The following PDXDC1 variants were observed in gnomAD, a reference collection of about 807,000 sequenced individuals.
PDXDC1 encodes the protein pyridoxal-dependent decarboxylase domain-containing protein 1.
Under a neutral mutation model 100.1 loss-of-function variants are expected in PDXDC1, and 42 were observed. The observed-to-expected ratio is 0.42, with a 90% CI of 0.33 to 0.54. The LOEUF (loss-of-function observed/expected upper bound fraction) is 0.54, where lower values mean the gene tolerates loss of function less well. Among genes scored for constraint, PDXDC1 ranks in the 20% least tolerant of loss-of-function variants. PDXDC1 has a pLI of 0.10. For missense variants in PDXDC1, 636 were observed against 979.2 expected, an observed-to-expected ratio of 0.65 and a Z score of 4.68; for synonymous variants, 260 against 371.7, an observed-to-expected ratio of 0.70 and a Z score of 3.46.
intron 3 of PDXDC1, among the ~76,000 whole-genome samples, chr16:15,000,889 ATATAT>A (rs1437661646): frequency 2.0e-5 from 3 of 149,678 alleles, no homozygotes; most frequent in African/African-American, 7.3e-5. Flanking sequence ...AAGGATGATT[ATATAT>A]TATATTTTAT....
intron 16 of PDXDC1, chr16:15,125,670 G>A: frequency 7.5e-7 from 1 of 1,327,742 alleles, no homozygotes; most frequent in South Asian, 1.2e-5. Context: ...CCCAGCCCAG[G>A]ACCCCCAGTA....
chr16:15,077,667 C>T (rs2045520613), intron 16 of PDXDC1, among the ~76,000 whole-genome samples: 1 of 152,146 alleles, frequency 6.6e-6, no homozygotes, highest in Non-Finnish European at 1.5e-5. Context: ...CGGTGAAACC[C>T]CATCTCTACT....
chr16:15,018,105 T>TA (rs1288750563), intron 11 of PDXDC1, among the ~76,000 whole-genome samples: 4 of 150,594 alleles, frequency 2.7e-5, no homozygotes, highest in African/African-American at 9.7e-5. Context: ...TTTTTTTTTT[T>TA]AATCGTAGTT....
At chr16:15,145,553 G>A in the PDXDC1 span, among the ~76,000 whole-genome samples, 1 of 152,254 alleles carries the variant, frequency 6.6e-6, no homozygotes, top group Admixed American at 6.5e-5. Flanking sequence ...CTAAGGTCAG[G>A]AACGCCAGGC....
chr16:15,144,757 G>A, the PDXDC1 span, among the ~76,000 whole-genome samples: 1 of 152,208 alleles, frequency 6.6e-6, no homozygotes, highest in Non-Finnish European at 1.5e-5. Flanking sequence ...GCTGAACGAG[G>A]GAGATGAGAA....
intron 16 of PDXDC1, among the ~76,000 whole-genome samples, chr16:15,116,487 A>G (rs2047240703): frequency 7.4e-6 from 1 of 135,572 alleles, no homozygotes; most frequent in African/African-American, 2.6e-5. Context: ...CTCAAAAAAA[A>G]AAAAAAAAAA....
At chr16:15,128,487 G>T in intron 16 of PDXDC1, 1 of 719,656 alleles carries the variant, frequency 1.4e-6, no homozygotes, top group Non-Finnish European at 2.4e-6. Flanking sequence ...GCGCACTCAA[G>T]GAGCCACACA....
At chr16:15,102,571 C>T (rs1410302053) in intron 16 of PDXDC1, among the ~76,000 whole-genome samples, 1 of 151,148 alleles carries the variant, frequency 6.6e-6, no homozygotes, top group Non-Finnish European at 1.5e-5. Flanking sequence ...AGGCAGGGAC[C>T]AAGCTTGGGC....
rs551077348 is a variant in PDXDC1, at chr16:15,052,826, C to CA, written c.1399+22780dup. 3.6e-3 allele frequency among the ~76,000 whole-genome samples: 529 copies of CA among 146,108 alleles called. 3 individuals are homozygous for CA. The highest frequency in any genetic ancestry group is 5.0e-3 in the South Asian group (23 of 4,616). On this transcript the variant is annotated intron_variant, in intron 16 of 16. Coordinates refer to the PDXDC1 transcript ENST00000535621. ...GGTGACAGAGCAAGGCTCTGTCTCT[C>CA]AAAAAAAAAATAAATAAATAAATAA...
At chr16:14,980,324 C>G (rs1967668485) in intron 1 of PDXDC1, among the ~76,000 whole-genome samples, 1 of 152,316 alleles carries the variant, frequency 6.6e-6, no homozygotes, top group African/African-American at 2.4e-5. Context: ...GAGACGGAAT[C>G]TTGCTCTGTC....
chr16:15,007,566 G>A (rs1427416934), intron 6 of PDXDC1, among the ~76,000 whole-genome samples: 12 of 152,282 alleles, frequency 7.9e-5, no homozygotes, highest in Non-Finnish European at 1.6e-4. Flanking sequence ...TGCCAAGAAC[G>A]TTTGAAAGCA....
intron 4 of PDXDC1, among the ~76,000 whole-genome samples, chr16:15,003,425 C>T (rs1260371065): frequency 1.3e-5 from 2 of 152,124 alleles, no homozygotes; most frequent in Non-Finnish European, 2.9e-5. Context: ...ACCATGTTAG[C>T]CAGGATGGTC....
At chr16:14,984,711 G>A (rs1037978493) in intron 1 of PDXDC1, among the ~76,000 whole-genome samples, 1 of 152,016 alleles carries the variant, frequency 6.6e-6, no homozygotes, top group Non-Finnish European at 1.5e-5. Context: ...TGGACAGGCT[G>A]GTCTCAAACT....
intron 16 of PDXDC1, among the ~76,000 whole-genome samples, chr16:15,089,657 G>T (rs1598005724): frequency 6.6e-6 from 1 of 151,414 alleles, no homozygotes; most frequent in South Asian, 2.1e-4. Context: ...AAAATTAGCT[G>T]GCGGTGGTGG....
At chr16:15,146,329 G>A in the PDXDC1 span, among the ~76,000 whole-genome samples, 4 of 152,138 alleles carry the variant, frequency 2.6e-5, no homozygotes, top group South Asian at 2.1e-4. Flanking sequence ...AGCGCACACC[G>A]CCACCACCTA....
chr16:15,015,769 A>G (rs1327490813), intron 8 of PDXDC1: 2 of 388,954 alleles, frequency 5.1e-6, no homozygotes. Context: ...TAAAATATAT[A>G]AAGGAAAGCT....
the PDXDC1 span, among the ~76,000 whole-genome samples, chr16:15,148,066 G>A: frequency 6.6e-6 from 1 of 150,988 alleles, no homozygotes; most frequent in Non-Finnish European, 1.5e-5. Context: ...ACAGCTAACT[G>A]CAGTCTCAAC....
intron 1 of PDXDC1, among the ~76,000 whole-genome samples, chr16:14,977,482 G>C (rs1374686283): frequency 1.3e-5 from 2 of 152,364 alleles, no homozygotes; most frequent in East Asian, 3.9e-4. Context: ...GTTTCACCAC[G>C]TTGGTCAGGA....
At chr16:15,124,542 A>G (rs1207130060) in intron 16 of PDXDC1, among the ~76,000 whole-genome samples, 1 of 151,228 alleles carries the variant, frequency 6.6e-6, no homozygotes, top group Non-Finnish European at 1.5e-5. Flanking sequence ...TGGGAGGCCG[A>G]GGTGGGCGGA....
Sources: allele counts gnomAD v4.1 joint callset (sites outside exome capture counted in the v4.1 genomes callset), GRCh38; gene constraint gnomAD v4.1.1; transcripts MANE v1.5; gene names NCBI Gene and HGNC (gene_info 2026-07-23, HGNC 2026-07-21).